Variants in ZFP1 observed in about 807,000 individuals in gnomAD.
ZFP1 encodes the protein zinc finger protein 1 homolog.
In ZFP1, 32 loss-of-function variants were observed where a neutral mutation model predicts 38.5. The ratio of observed to expected loss-of-function variants is 0.83; its 90% CI spans 0.63 to 1.12. The LOEUF (loss-of-function observed/expected upper bound fraction) is 1.12. ZFP1 is among the 50% of genes most tolerant of loss of function. The pLI is 0.00. For missense variants in ZFP1, 616 were observed against 480.8 expected, an observed-to-expected ratio of 1.28 and a Z score of -2.63; for synonymous variants, 245 against 168.8, an observed-to-expected ratio of 1.45 and a Z score of -3.50.
chr16:75,135,709 A>G, the ZFP1 span, among the ~76,000 whole-genome samples: 6,105 of 152,320 alleles, frequency 0.04, 428 homozygotes, highest in African/African-American at 0.14. Context: ...GTATGGTACT[A>G]TAATGGTACA....
chr16:75,166,644 A>T, intron 2 of ZFP1, 126 bp from the exon 3 acceptor site: 1 of 1,528,826 alleles, frequency 6.5e-7, no homozygotes, highest in Non-Finnish European at 8.7e-7. Flanking sequence ...ATGAACAAAA[A>T]CAGTGAACAA....
chr16:75,142,410 G>A, the ZFP1 span, among the ~76,000 whole-genome samples: 2 of 151,726 alleles, frequency 1.3e-5, no homozygotes, highest in African/African-American at 4.8e-5. Flanking sequence ...GAGGCCAGCT[G>A]CTGAAACGTC....
the ZFP1 span, among the ~76,000 whole-genome samples, chr16:75,139,036 A>G: frequency 6.6e-6 from 1 of 152,102 alleles, no homozygotes; most frequent in Non-Finnish European, 1.5e-5. Context: ...TTTCAATAGA[A>G]AAGCATCCTA....
At chr16:75,169,180 G>A (rs2038273970) in intron 3 of ZFP1, 73 bp from the exon 4 acceptor site, 2 of 1,509,134 alleles carry the variant, frequency 1.3e-6, no homozygotes, top group Admixed American at 2.3e-5. Flanking sequence ...GAACACGTGT[G>A]AAGACTTCCC....
the ZFP1 span, among the ~76,000 whole-genome samples, chr16:75,142,184 C>T: frequency 1.1e-4 from 16 of 148,808 alleles, no homozygotes; most frequent in South Asian, 4.3e-4. Flanking sequence ...GGTGAAACCC[C>T]GTCTCCACTA....
chr16:75,166,474 C>T (rs2038089029), intron 2 of ZFP1: 1 of 898,172 alleles, frequency 1.1e-6, no homozygotes, highest in Non-Finnish European at 1.3e-6. Context: ...GATTCCCCCG[C>T]CCACCTAGCC....
chr16:75,131,374 C>T, the ZFP1 span, among the ~76,000 whole-genome samples: 1,022 of 152,144 alleles, frequency 6.7e-3, 15 homozygotes, highest in African/African-American at 0.023. Flanking sequence ...TCATATTCAC[C>T]CTCCCCGGGG....
intron 2 of ZFP1, 169 bp from the exon 3 acceptor site, chr16:75,166,601 C>G: frequency 1.0e-6 from 1 of 985,036 alleles, no homozygotes; most frequent in Non-Finnish European, 1.2e-6. Context: ...CTGAATAAAT[C>G]TCAACTATTT....
chr16:75,163,258 C>CT (rs755330498), intron 2 of ZFP1, among the ~76,000 whole-genome samples: 30 of 151,686 alleles, frequency 2.0e-4, no homozygotes, highest in Non-Finnish European at 4.0e-4. Context: ...CTTACTGTCT[C>CT]TATCATATGA....
At chr16:75,160,751 C>A (rs1270452363) in intron 2 of ZFP1, among the ~76,000 whole-genome samples, 1 of 151,798 alleles carries the variant, frequency 6.6e-6, no homozygotes, top group Non-Finnish European at 1.5e-5. Flanking sequence ...CTGGTCTCTT[C>A]TTCCAGGATG....
At position 75,162,491 on chromosome 16, in the gene ZFP1, A is replaced by G. The variant is rs371236384; in HGVS notation, c.16-4279A>G. Among the ~76,000 whole-genome samples the G allele has an allele frequency of 8.1e-4, 123 of 152,268 alleles. 1 individual carries two copies. Among genetic ancestry groups the G allele is most frequent in the African/African-American group, 2.9e-3 (119 of 41,570 alleles). ...CAGTGCCTAACATTTTGACGTTTCC[A>G]TGTATTGTGTATGTTGAAGATTTTT... On this transcript the variant is annotated intron_variant, in intron 2 of 3. Transcript: ENST00000570010.
At chr16:75,146,652 A>T (rs928449659), upstream of ZFP1, among the ~76,000 whole-genome samples, 1 of 152,108 alleles carries the variant, frequency 6.6e-6, no homozygotes, top group Non-Finnish European at 1.5e-5. Flanking sequence ...ACTAAAACGA[A>T]CTGAGGCTGG....
chr16:75,139,874 A>C, the ZFP1 span, among the ~76,000 whole-genome samples: 1 of 152,226 alleles, frequency 6.6e-6, no homozygotes, highest in Non-Finnish European at 1.5e-5. Context: ...TAGTGGGGAT[A>C]GTTGCGCGAT....
the ZFP1 span, among the ~76,000 whole-genome samples, chr16:75,140,854 A>G: frequency 1.4e-4 from 22 of 152,032 alleles, no homozygotes; most frequent in South Asian, 1.2e-3. Context: ...AGCTACTCGG[A>G]AGGCTGAGGC....
At chr16:75,126,369 C>A in the ZFP1 span, 3 of 151,856 alleles carry the variant, frequency 2.0e-5, no homozygotes, top group Non-Finnish European at 4.4e-5. Context: ...AGGATGACCT[C>A]AATCTCTTGA....
intron 1 of ZFP1, among the ~76,000 whole-genome samples, chr16:75,149,557 C>CTTTTTTTTTTTTTTT (rs34371791): frequency 9.8e-5 from 10 of 101,790 alleles, no homozygotes; most frequent in East Asian, 2.7e-4. Context: ...TCTTTACTTT[C>CTTTTTTTTTTTTTTT]TTTTTTTTTT....
the ZFP1 span, among the ~76,000 whole-genome samples, chr16:75,139,437 A>G: frequency 1.3e-5 from 2 of 151,084 alleles, no homozygotes; most frequent in African/African-American, 2.4e-5. Flanking sequence ...CACGCCTATA[A>G]TTTCAGCACT....
intron 3 of ZFP1, among the ~76,000 whole-genome samples, chr16:75,168,451 C>A (rs570899048): frequency 6.6e-6 from 1 of 152,106 alleles, no homozygotes; most frequent in African/African-American, 2.4e-5. Context: ...TGCACTCCAG[C>A]CTGGGCAAAT....
the ZFP1 span, among the ~76,000 whole-genome samples, chr16:75,122,062 C>T: frequency 2.0e-5 from 3 of 152,166 alleles, no homozygotes; most frequent in African/African-American, 7.2e-5. Context: ...TCCCCAGTGC[C>T]ACAAAGAAAT....
Sources: gnomAD v4.1 joint callset for allele counts (sites outside exome capture counted in the v4.1 genomes callset) on GRCh38, gnomAD v4.1.1 for gene constraint, MANE v1.5 for transcripts, NCBI Gene and HGNC (gene_info 2026-07-23, HGNC 2026-07-21) for gene names.